Variants in PLGRKT observed in about 807,000 individuals in gnomAD.
The protein encoded by PLGRKT is plasminogen receptor (KT).
PLGRKT carries 22 observed loss-of-function variants against 18.5 expected under a neutral mutation model. The ratio of observed to expected loss-of-function variants is 1.19; its 90% CI spans 0.85 to 1.70. The LOEUF is 1.70. Ranked by LOEUF, PLGRKT falls within the 40% of genes most tolerant of loss-of-function variation. The pLI is 0.00. For missense variants in PLGRKT, 235 were observed against 174.4 expected (o/e 1.35, Z -1.96); for synonymous variants, 72 against 52.8 (o/e 1.36, Z -1.58).
intron 3 of PLGRKT, among the ~76,000 whole-genome samples, chr9:5,398,051 G>A (rs1209907207): frequency 6.6e-5 from 10 of 151,930 alleles, no homozygotes; most frequent in African/African-American, 2.4e-4. Context: ...GAACCACACT[G>A]AGGACTAGAG....
chr9:5,424,458 C>CATATAATATATTATATATTATAACAT (rs768945712), intron 3 of PLGRKT, among the ~76,000 whole-genome samples: 7 of 116,716 alleles, frequency 6.0e-5, no homozygotes, highest in South Asian at 2.3e-4. Context: ...TATATTATAA[C>CATATAATATATTATATATTATAACAT]ATAATATATA....
At chr9:5,407,621 C>G (rs899851055) in intron 3 of PLGRKT, among the ~76,000 whole-genome samples, 5 of 151,172 alleles carry the variant, frequency 3.3e-5, no homozygotes, top group African/African-American at 1.2e-4. Flanking sequence ...CACCTCTAGA[C>G]AGCATTCTAA....
chr9:5,376,951 C>A (rs1284130715), intron 3 of PLGRKT, among the ~76,000 whole-genome samples: 1 of 152,058 alleles, frequency 6.6e-6, no homozygotes, highest in East Asian at 1.9e-4. Flanking sequence ...AATTTTGATT[C>A]ATGTACACAT....
chr9:5,361,453 G>C (rs1026854414), intron 4 of PLGRKT, among the ~76,000 whole-genome samples: 1 of 152,104 alleles, frequency 6.6e-6, no homozygotes, highest in South Asian at 2.1e-4. Context: ...AAATGAGTAA[G>C]GATTGGTATC....
At chr9:5,400,592 A>T (rs1192687435) in intron 3 of PLGRKT, among the ~76,000 whole-genome samples, 5 of 151,984 alleles carry the variant, frequency 3.3e-5, no homozygotes, top group Non-Finnish European at 7.3e-5. Context: ...ACTGAACATC[A>T]TCCAAATATT....
chr9:5,425,837 T>C (rs1053513459), intron 3 of PLGRKT, among the ~76,000 whole-genome samples: 2 of 152,184 alleles, frequency 1.3e-5, no homozygotes, highest in African/African-American at 4.8e-5. Context: ...GTGATTTATC[T>C]TTGTTTTTAA....
intron 3 of PLGRKT, among the ~76,000 whole-genome samples, chr9:5,363,328 T>C (rs1268583085): frequency 3.3e-5 from 5 of 151,786 alleles, no homozygotes; most frequent in Non-Finnish European, 7.4e-5. Flanking sequence ...TACTCTCAGG[T>C]GCTACTGATC....
intron 3 of PLGRKT, among the ~76,000 whole-genome samples, chr9:5,397,292 C>T (rs568761198): frequency 6.6e-6 from 1 of 152,046 alleles, no homozygotes; most frequent in East Asian, 1.9e-4. Flanking sequence ...TTTCCCCTCA[C>T]TTTATTCACG....
At chr9:5,423,911 G>A (rs912779224) in intron 3 of PLGRKT, among the ~76,000 whole-genome samples, 1 of 122,262 alleles carries the variant, frequency 8.2e-6, no homozygotes, top group Admixed American at 8.2e-5. Context: ...ACATATATTA[G>A]ATATTATATT....
intron 2 of PLGRKT, among the ~76,000 whole-genome samples, chr9:5,433,784 G>A (rs1307291536): frequency 7.6e-6 from 1 of 131,240 alleles, no homozygotes; most frequent in African/African-American, 3.0e-5. Flanking sequence ...TGTGAGGAGT[G>A]CCTCTGCCTG....
chr9:5,431,053 A>G, intron 3 of PLGRKT, among the ~76,000 whole-genome samples: 1 of 152,210 alleles, frequency 6.6e-6, no homozygotes, highest in East Asian at 1.9e-4. Context: ...CTAAGTTCAG[A>G]AGTCCAAAAT....
At chr9:5,371,582 T>A (rs927552159) in intron 3 of PLGRKT, among the ~76,000 whole-genome samples, 3 of 152,230 alleles carry the variant, frequency 2.0e-5, no homozygotes, top group Non-Finnish European at 4.4e-5. Context: ...CATGCGGAAC[T>A]GTAAACCCAA....
intron 3 of PLGRKT, among the ~76,000 whole-genome samples, chr9:5,413,583 G>C (rs1818405022): frequency 1.3e-5 from 2 of 152,176 alleles, no homozygotes; most frequent in Non-Finnish European, 2.9e-5. Context: ...ATGAGCCAAG[G>C]AATGCAGGCA....
At chr9:5,412,343 C>T (rs749361323) in intron 3 of PLGRKT, among the ~76,000 whole-genome samples, 8 of 152,216 alleles carry the variant, frequency 5.3e-5, no homozygotes, top group Non-Finnish European at 1.0e-4. Flanking sequence ...TGAAGCTATA[C>T]AAGTTGCTAT....
At chr9:5,419,244 G>T (rs540321413) in intron 3 of PLGRKT, among the ~76,000 whole-genome samples, 2 of 152,218 alleles carry the variant, frequency 1.3e-5, no homozygotes, top group Non-Finnish European at 2.9e-5. Context: ...GGAAACAGTG[G>T]TTCCCAAGGA....
intron 3 of PLGRKT, among the ~76,000 whole-genome samples, chr9:5,403,212 T>C (rs189437147): frequency 6.7e-6 from 1 of 149,354 alleles, no homozygotes; most frequent in Admixed American, 6.7e-5. Flanking sequence ...GGTTGCTAAA[T>C]GATTCTTTTT....
chr9:5,427,668 G>A (rs1434726915), intron 3 of PLGRKT, among the ~76,000 whole-genome samples: 1 of 152,146 alleles, frequency 6.6e-6, no homozygotes, highest in Non-Finnish European at 1.5e-5. Context: ...GGGGATCTTG[G>A]ACCATATCCC....
chr9:5,398,471 C>G (rs1818094797), intron 3 of PLGRKT, among the ~76,000 whole-genome samples: 2 of 152,026 alleles, frequency 1.3e-5, no homozygotes, highest in Admixed American at 6.5e-5. Context: ...GAGAAACAAG[C>G]TGTGATCTTC....
At chr9:5,436,148 T>A (rs934865500) in intron 2 of PLGRKT, among the ~76,000 whole-genome samples, 6 of 152,244 alleles carry the variant, frequency 3.9e-5, no homozygotes, top group Admixed American at 2.6e-4. Context: ...TTGGCAGTTC[T>A]TTCCTTTCTC....
Sources: gnomAD v4.1 joint callset for allele counts (sites outside exome capture counted in the v4.1 genomes callset) on GRCh38, gnomAD v4.1.1 for gene constraint, MANE v1.5 for transcripts, NCBI Gene and HGNC (gene_info 2026-07-23, HGNC 2026-07-21) for gene names.